The following GET1 variants were observed in gnomAD, a reference collection of about 807,000 sequenced individuals.
GET1 encodes the protein guided entry of tail-anchored proteins factor 1.
In GET1, 20 loss-of-function variants were observed where a neutral mutation model predicts 22.6. That is an observed-to-expected ratio of 0.89 (90% CI 0.62 to 1.29). The LOEUF (loss-of-function observed/expected upper bound fraction) is 1.29, where lower values mean the gene tolerates loss of function less well. Ranked by LOEUF, GET1 falls within the 50% of genes most tolerant of loss-of-function variation. The probability of loss-of-function intolerance (pLI) is 0.00; values close to 1 mark genes in which losing one functional copy is unlikely to be tolerated. For missense variants in GET1, 209 were observed against 219.9 expected, an observed-to-expected ratio of 0.95 and a Z score of 0.31; for synonymous variants, 92 against 83.8, an observed-to-expected ratio of 1.10 and a Z score of -0.53.
At chr21:39,428,460 C>T (rs1229730526) in exon 2 of GET1, 2 of 1,608,702 alleles carry the variant, frequency 1.2e-6, no homozygotes, top group African/African-American at 1.3e-5. Flanking sequence ...AAATGCTCAT[C>T]TATATTTGTT....
chr21:39,409,920 A>G, downstream of GET1: 1 of 973,218 alleles, frequency 1.0e-6, no homozygotes, highest in East Asian at 2.5e-5. This position sits in a 1 kb window ranked among gnomAD's most constrained non-coding sequence, Gnocchi z 4.2. Context: ...ATATACACAT[A>G]TAGTAATTCA....
chr21:39,425,681 A>C (rs994087269), intron 1 of GET1, among the ~76,000 whole-genome samples: 2 of 152,066 alleles, frequency 1.3e-5, no homozygotes, highest in African/African-American at 4.8e-5. Flanking sequence ...GGTTTAAAAC[A>C]GGGGTGGGCG....
At chr21:39,385,392 G>T (rs969576701) in intron 1 of GET1, among the ~76,000 whole-genome samples, 2 of 152,166 alleles carry the variant, frequency 1.3e-5, no homozygotes, top group African/African-American at 4.8e-5. Context: ...CCTGGGAGGC[G>T]ATCTCAGCTG....
At chr21:39,394,486 CAT>C (rs1042261831) in intron 4 of GET1, among the ~76,000 whole-genome samples, 1 of 152,156 alleles carries the variant, frequency 6.6e-6, no homozygotes, top group Non-Finnish European at 1.5e-5. Context: ...CCTATTCCCA[CAT>C]GTTTTAGTTT....
At chr21:39,400,271 C>T (rs1279487433), downstream of GET1, among the ~76,000 whole-genome samples, 1 of 152,218 alleles carries the variant, frequency 6.6e-6, no homozygotes, top group African/African-American at 2.4e-5. Flanking sequence ...TTCCCATCCT[C>T]ATCTGAGCAT....
intron 1 of GET1, 74 bp from the exon 2 acceptor site, chr21:39,390,624 A>T: frequency 6.4e-7 from 1 of 1,566,106 alleles, no homozygotes; most frequent in South Asian, 1.2e-5. Flanking sequence ...CATAGACAGA[A>T]AGTAGCGGGG....
chr21:39,419,528 AAAAAAAAG>A (rs2147561579), intron 1 of GET1, among the ~76,000 whole-genome samples: 1 of 146,276 alleles, frequency 6.8e-6, no homozygotes, highest in African/African-American at 2.7e-5. Flanking sequence ...CTGTTCAAAA[AAAAAAAAG>A]AAAAAAGAAA....
intron 1 of GET1, chr21:39,423,274 A>G (rs760359609): frequency 1.2e-6 from 2 of 1,609,716 alleles, no homozygotes; most frequent in South Asian, 2.2e-5. Flanking sequence ...CAAATGCCTA[A>G]GCTGAAGTTG....
rs964858597 is a variant in GET1 at position 39,386,855 on chromosome 21, T to TG, written c.103-3843_103-3842insG. On this transcript the variant is annotated intron_variant, in intron 1 of 4. Coordinates refer to ENST00000649170, the MANE Select transcript of GET1 (RefSeq NM_004627.6). ...GCAAATTTATACTTTAAAACTTTTT[T>TG]TTTTTTAGAGACAGGGTCTCACTCT... is the stretch of plus-strand genomic sequence containing the variant. Among the ~76,000 whole-genome samples the TG allele has an allele frequency of 2.8e-4, 43 of 151,896 alleles. No homozygotes were observed. In the Middle Eastern group the frequency reaches 0.01, roughly 36 times the overall value.
intron 1 of GET1, among the ~76,000 whole-genome samples, chr21:39,424,693 ATCTG>A (rs2074347711): frequency 6.6e-6 from 1 of 152,272 alleles, no homozygotes; most frequent in African/African-American, 2.4e-5. Context: ...ATAAGAGTCT[ATCTG>A]TTTATACAGA....
downstream of GET1, chr21:39,410,081 C>T (rs1261874184): frequency 1.2e-6 from 2 of 1,608,870 alleles, no homozygotes; most frequent in African/African-American, 2.7e-5. Flanking sequence ...TCGATGTTTC[C>T]TGTTGCCTTT....
chr21:39,388,044 C>T (rs2038040514), intron 1 of GET1, among the ~76,000 whole-genome samples: 1 of 152,212 alleles, frequency 6.6e-6, no homozygotes, highest in African/African-American at 2.4e-5. Flanking sequence ...AAGTTGTCAA[C>T]CCAAACCCCC....
At chr21:39,426,237 G>T (rs2065313) in intron 1 of GET1, among the ~76,000 whole-genome samples, 34,753 of 152,012 alleles carry the variant, frequency 0.23, 4,458 homozygotes, top group African/African-American at 0.35. Context: ...TTGCATTTGA[G>T]GGGTATGTAA....
At chr21:39,390,406 C>T (rs180992375) in intron 1 of GET1, among the ~76,000 whole-genome samples, 4 of 152,244 alleles carry the variant, frequency 2.6e-5, no homozygotes, top group Admixed American at 2.0e-4. Context: ...GTCTGCCACC[C>T]GGGGGTTGGG....
At position 39,393,242 on chromosome 21, in the gene GET1, C is replaced by T; in HGVS notation, c.413C>T (p.Pro138Leu). ...VAVVPSKWIT[P>L]LDRLVAFPTR... ...GTCGTGCCGAGTAAATGGATAACCC[C>T]TCTAGACCGCCTGGTAGCCTTTCCT... The change falls in exon 4 of 5, where the codon CCT becomes CTT. Residue 138 changes from proline (P) to leucine (L), a missense_variant. Pro to Leu is a moderately conservative substitution (Grantham distance 98). Coordinates refer to ENST00000649170, the MANE Select transcript of GET1 (RefSeq NM_004627.6). The T allele has an allele frequency of 6.2e-7, 1 of 1,614,186 alleles. No individual in the cohort carries two copies. Among genetic ancestry groups the T allele is most frequent in the Non-Finnish European group, 8.5e-7 (1 of 1,180,038 alleles).
chr21:39,414,193 G>A (rs1480775969), intron 1 of GET1: 1 of 152,352 alleles, frequency 6.6e-6, no homozygotes, highest in East Asian at 1.9e-4. Flanking sequence ...GGGTATCAAG[G>A]AAGAGTTAAA....
intron 1 of GET1, among the ~76,000 whole-genome samples, chr21:39,418,841 T>C (rs1391817976): frequency 2.0e-5 from 3 of 152,156 alleles, no homozygotes; most frequent in African/African-American, 7.2e-5. Flanking sequence ...CATATTCATA[T>C]GTCTGCATGA....
At chr21:39,389,125 T>C (rs1338046136) in intron 1 of GET1, among the ~76,000 whole-genome samples, 1 of 151,998 alleles carries the variant, frequency 6.6e-6, no homozygotes, top group South Asian at 2.1e-4. Flanking sequence ...CACCAGGTTA[T>C]GAAAGTGGCT....
At position 39,393,158 on chromosome 21, in the gene GET1, C is replaced by T; in HGVS notation, c.337-8C>T. On this transcript the variant is annotated splice_region_variant and splice_polypyrimidine_tract_variant and intron_variant, in intron 3 of 4. Transcript: ENST00000649170. ...AGGCTGCTTTGCTCACCAGAGGTGT[C>T]TTTACAGGCTGCCCTGATGATCTCA... 6.2e-7 allele frequency: 1 copy of T among 1,613,554 alleles called. No homozygotes were observed. The highest frequency in any genetic ancestry group is 1.1e-5 in the South Asian group (1 of 91,054).
Sources: gnomAD v4.1 joint callset for allele counts (sites outside exome capture counted in the v4.1 genomes callset) on GRCh38, gnomAD v4.1.1 for gene constraint, Gnocchi (gnomAD v3.1) non-coding constraint, MANE v1.5 for transcripts, NCBI Gene and HGNC (gene_info 2026-07-23, HGNC 2026-07-21) for gene names.